Variants in SLC7A2 observed in about 807,000 individuals in gnomAD.
SLC7A2 encodes the protein solute carrier family 7 member 2.
SLC7A2 carries 48 observed loss-of-function variants against 58.9 expected under a neutral mutation model. That is an observed-to-expected ratio of 0.82 (90% CI 0.65 to 1.04). SLC7A2 has a LOEUF of 1.04. SLC7A2 is among the 50% of genes least tolerant of loss of function. SLC7A2 has a pLI of 0.00. For synonymous variants in SLC7A2, 363 were observed against 314.5 expected (o/e 1.15, Z -1.63); for missense variants, 1,029 against 818.8 (o/e 1.26, Z -3.13).
At chr8:17,503,870 T>C (rs979447547) in intron 2 of SLC7A2, among the ~76,000 whole-genome samples, 1 of 152,296 alleles carries the variant, frequency 6.6e-6, no homozygotes, top group Non-Finnish European at 1.5e-5. Flanking sequence ...TTTAAGCAAT[T>C]GTTTGGGAGA....
At chr8:17,553,327 A>T (rs1213930434) in intron 7 of SLC7A2, among the ~76,000 whole-genome samples, 1 of 152,194 alleles carries the variant, frequency 6.6e-6, no homozygotes, top group African/African-American at 2.4e-5. Context: ...TTGGGATTAC[A>T]GGCATGAGCC....
At position 17,550,291 on chromosome 8, in the gene SLC7A2, T is replaced by C. The variant is rs1360337409; in HGVS notation, c.699-10T>C. On this transcript the variant is annotated splice_polypyrimidine_tract_variant and intron_variant, in intron 5 of 12. Transcript: ENST00000494857. The stretch of plus-strand genomic sequence containing the variant: ...AAGTGACTTTCCAATGTGTTTGTTC[T>C]CTTTCTTAGAGAGCCACCTTCTGAA... 1.2e-6 allele frequency: 2 copies of C among 1,612,752 alleles called. No individual in the cohort carries two copies. Among genetic ancestry groups the C allele is most frequent in the African/African-American group, 1.3e-5 (1 of 74,966 alleles).
intron 2 of SLC7A2, among the ~76,000 whole-genome samples, chr8:17,517,960 C>G (rs935562087): frequency 1.3e-5 from 2 of 152,104 alleles, no homozygotes; most frequent in Admixed American, 6.6e-5. Context: ...TGAAAAGTTT[C>G]TTAACATCTC....
At chr8:17,560,852 C>G (rs1802944113) in intron 10 of SLC7A2, among the ~76,000 whole-genome samples, 1 of 152,204 alleles carries the variant, frequency 6.6e-6, no homozygotes, top group South Asian at 2.1e-4. Context: ...TGCCAATAAC[C>G]TGACTGGAAC....
At position 17,544,553 on chromosome 8, in the gene SLC7A2, G is replaced by C. The variant is rs1585241479; in HGVS notation, c.479G>C (p.Gly160Ala). Residue 160 changes from glycine (G) to alanine (A), a missense_variant, in exon 4 of 13, where the codon GGT (glycine) becomes GCT (alanine). Coordinates refer to ENST00000494857, the MANE Select transcript of SLC7A2 (RefSeq NM_001370338.1). ...ACATACTTCAGAATGAATTACACTG[G>C]TCTTGCAGAATATCCCGATTTTTTT... is the stretch of plus-strand genomic sequence containing the variant. ...LRTYFRMNYT[G>A]LAEYPDFFAV... is the part of the protein sequence containing the mutation. The C allele has an allele frequency of 4.3e-6, 7 of 1,613,996 alleles. No homozygotes were observed. The highest frequency in any genetic ancestry group is 5.9e-6 in the Non-Finnish European group (7 of 1,179,952).
At chr8:17,548,115 C>T (rs1456161035) in intron 4 of SLC7A2, among the ~76,000 whole-genome samples, 1 of 152,094 alleles carries the variant, frequency 6.6e-6, no homozygotes, top group Non-Finnish European at 1.5e-5. Flanking sequence ...CTGAGGCAGG[C>T]AGATCACTTG....
At chr8:17,509,899 A>G (rs971443843) in intron 2 of SLC7A2, among the ~76,000 whole-genome samples, 3 of 151,904 alleles carry the variant, frequency 2.0e-5, no homozygotes, top group Middle Eastern at 3.4e-3. Context: ...GTATCTACCT[A>G]TTTTTCATTG....
chr8:17,525,434 GTATT>G (rs1801184962), intron 2 of SLC7A2, among the ~76,000 whole-genome samples: 1 of 152,134 alleles, frequency 6.6e-6, no homozygotes, highest in Admixed American at 6.5e-5. Flanking sequence ...GCAATTATTA[GTATT>G]TGTCCCATTT....
At chr8:17,499,587 C>T (rs1352601241) in intron 1 of SLC7A2, among the ~76,000 whole-genome samples, 1 of 150,244 alleles carries the variant, frequency 6.7e-6, no homozygotes, top group Non-Finnish European at 1.5e-5. Context: ...TATAGACTAC[C>T]TACTAGATGC....
Position 17,563,636 on chromosome 8 carries a change from A to G in SLC7A2, c.1705A>G (p.Ile569Val). Residue 569 changes from isoleucine (I) to valine (V), a missense_variant, in exon 12 of 13, where the codon ATC becomes GTC. By Grantham distance (29) the Ile-to-Val change is conservative. Transcript: ENST00000494857. ...PFLPFLPAFS[I>V]LVNIYLMVQL... The stretch of plus-strand genomic sequence containing the variant: ...CTTACCATTTTTGCCAGCGTTCAGC[A>G]TCTTGGTGAACATTTACTTGATGGT... 1.2e-6 allele frequency: 2 copies of G among 1,613,540 alleles called. No homozygotes were observed. Among genetic ancestry groups the G allele is most frequent in the Non-Finnish European group, 1.7e-6 (2 of 1,179,600 alleles).
intron 2 of SLC7A2, among the ~76,000 whole-genome samples, chr8:17,519,052 C>G (rs539607808): frequency 6.6e-6 from 1 of 152,120 alleles, no homozygotes; most frequent in Non-Finnish European, 1.5e-5. Context: ...TCATCTAGCC[C>G]TAATTACCTT....
chr8:17,550,312 C>G lies in SLC7A2; in HGVS notation c.710C>G (p.Ser237Cys), dbSNP rs188973136. 309 of 1,613,832 alleles carry G rather than the reference C, an allele frequency of 1.9e-4. 2 individuals are homozygous for G. The East Asian group carries it at 6.4e-3, about 33-fold the overall frequency. The change falls in exon 6 of 13, where the codon TCT (serine) becomes TGT (cysteine). Residue 237 changes from serine (S) to cysteine (C), a missense_variant. Transcript: ENST00000494857. ...GTTCTCTTTCTTAGAGAGCCACCTT[C>G]TGAAAACGGAACAAGTATCTATGGG... ...NISASAREPP[S>C]ENGTSIYGAG... is the part of the protein sequence containing the mutation.
At chr8:17,521,601 G>A (rs1232462263) in intron 2 of SLC7A2, among the ~76,000 whole-genome samples, 1 of 152,212 alleles carries the variant, frequency 6.6e-6, no homozygotes, top group Non-Finnish European at 1.5e-5. Flanking sequence ...GGAGCCAGTA[G>A]CCCCAGAGAC....
At chr8:17,548,978 T>C (rs1192635268) in intron 5 of SLC7A2, 135 bp downstream of exon 5, 1 of 764,032 alleles carries the variant, frequency 1.3e-6, no homozygotes, top group African/African-American at 1.8e-5. Context: ...AGAGATTTAA[T>C]GGACTCACAG....
At chr8:17,560,969 C>T (rs916110267) in intron 10 of SLC7A2, among the ~76,000 whole-genome samples, 13 of 152,098 alleles carry the variant, frequency 8.5e-5, no homozygotes, top group African/African-American at 3.1e-4. Context: ...GCGTGTGTGT[C>T]AGGCACTCCA....
At chr8:17,498,409 C>A (rs1244128061) in intron 1 of SLC7A2, among the ~76,000 whole-genome samples, 1 of 152,198 alleles carries the variant, frequency 6.6e-6, no homozygotes, top group East Asian at 1.9e-4. Flanking sequence ...TGTAATCTTT[C>A]TCTAGGAGAT....
chr8:17,539,968 A>G (rs905695780), intron 2 of SLC7A2, among the ~76,000 whole-genome samples: 2 of 152,140 alleles, frequency 1.3e-5, no homozygotes, highest in Admixed American at 1.3e-4. Flanking sequence ...AGTTATAAAA[A>G]CTTCAAAGAT....
chr8:17,565,173 G>A lies in SLC7A2; in HGVS notation c.*27G>A, dbSNP rs750945665. Reference sequence around the variant, plus strand: ...ACTTGCAGGAGCAGAGCTGGTCATCGTCTTAGCATACATATCCTACACTGA... The same window carrying A: ...ACTTGCAGGAGCAGAGCTGGTCATCATCTTAGCATACATATCCTACACTGA... On this transcript the variant is annotated 3_prime_UTR_variant, in exon 13 of 13. Coordinates refer to ENST00000494857, the MANE Select transcript of SLC7A2 (RefSeq NM_001370338.1). 39 of 1,559,716 alleles carry A rather than the reference G, an allele frequency of 2.5e-5. No homozygotes were observed. Among genetic ancestry groups the A allele is most frequent in the East Asian group, 4.5e-5 (2 of 44,054 alleles).
rs1025253498 is a variant in SLC7A2 at position 17,564,859 on chromosome 8, C to T, written c.1781-91C>T. Reference sequence around the variant, plus strand: ...ACTACAGAAAGGAAAGAGACAAACTCTATTAAGTTCTACATTTTCCACCTC... The same window carrying T: ...ACTACAGAAAGGAAAGAGACAAACTTTATTAAGTTCTACATTTTCCACCTC... On this transcript the variant is annotated intron_variant, in intron 12 of 12. Coordinates refer to ENST00000494857, the MANE Select transcript of SLC7A2 (RefSeq NM_001370338.1). 3 of 1,079,464 alleles carry T rather than the reference C, an allele frequency of 2.8e-6. No homozygotes were observed. In the African/African-American group the frequency reaches 4.8e-5, roughly 17 times the overall value. 66.9% of individuals were successfully genotyped at this position (1,079,464 alleles called of 1,614,324 possible).
Sources: allele counts gnomAD v4.1 joint callset (sites outside exome capture counted in the v4.1 genomes callset), GRCh38; gene constraint gnomAD v4.1.1; transcripts MANE v1.5; gene names NCBI Gene and HGNC (gene_info 2026-07-23, HGNC 2026-07-21).